GHSR: variants seen among roughly 807,000 people sequenced by gnomAD.
The protein encoded by GHSR is growth hormone secretagogue receptor.
In GHSR, 17 loss-of-function variants were observed where a neutral mutation model predicts 24.0. The observed-to-expected ratio is 0.71, with a 90% CI of 0.49 to 1.06. The LOEUF (loss-of-function observed/expected upper bound fraction) is 1.06. GHSR is among the 50% of genes least tolerant of loss of function. GHSR has a pLI of 0.00. For synonymous variants in GHSR, 238 were observed against 208.1 expected (o/e 1.14, Z -1.24); for missense variants, 504 against 483.1 (o/e 1.04, Z -0.41).
In GHSR at chr3:172,445,318, C is replaced by CAGAA. The variant is rs1033192315; in HGVS notation, c.943_944insTTCT (p.Ser315IlefsTer41). 6.2e-7 allele frequency: 1 copy of CAGAA among 1,614,032 alleles called. No homozygotes were observed. The highest frequency in any genetic ancestry group is 8.5e-7 in the Non-Finnish European group (1 of 1,180,022). On this transcript the variant is annotated frameshift_variant, in exon 2 of 2. Coordinates refer to ENST00000241256, the MANE Select transcript of GHSR (RefSeq NM_198407.2). LOFTEE classifies it high-confidence loss of function. ...GTACAGAATGGGGTTGATGGCAGCA[C>CAGAA]TGAGGTAGAAGAGGACAAAGGACAC...
chr3:172,447,123 C>G (rs1057286117), intron 1 of GHSR, among the ~76,000 whole-genome samples: 1 of 152,186 alleles, frequency 6.6e-6, no homozygotes, highest in South Asian at 2.1e-4. Context: ...AGATCCAAAC[C>G]CTGCTTTTCT....
Position 172,447,585 on chromosome 3 carries a change from C to G in GHSR, c.796+33G>C, listed in dbSNP as rs34273140. 111 of 1,612,160 alleles carry G rather than the reference C, an allele frequency of 6.9e-5. 3 individuals are homozygous for G. In the East Asian group the frequency reaches 2.5e-3, roughly 36 times the overall value. On this transcript the variant is annotated intron_variant, in intron 1 of 1. Transcript: ENST00000241256. The stretch of plus-strand genomic sequence containing the variant: ...AGGCACAGGGAGAGGATAGGACCCG[C>G]GAGAGAAAGCCTGAGCGCGCGCTGA...
Position 172,447,838 on chromosome 3 carries a change from A to AG in GHSR, c.575dup (p.Trp193LeufsTer99). 8.7e-6 allele frequency: 14 copies of AG among 1,613,962 alleles called. No individual in the cohort carries two copies. Among genetic ancestry groups the AG allele is most frequent in the Non-Finnish European group, 1.2e-5 (14 of 1,180,026 alleles). ...TGGGGCGGCACTCGTTGGTGTCCCA[A>AG]GGGTCGGTGCCGTTCTCGTGCTCCA... On this transcript the variant is annotated frameshift_variant, in exon 1 of 2. Coordinates refer to ENST00000241256, the MANE Select transcript of GHSR (RefSeq NM_198407.2). LOFTEE classifies it high-confidence loss of function.
intron 1 of GHSR, 99 bp from the exon 2 acceptor site, chr3:172,445,564 A>G (rs911423168): frequency 1.7e-5 from 21 of 1,215,680 alleles, no homozygotes; most frequent in Middle Eastern, 5.4e-4. Flanking sequence ...GTCTATGACC[A>G]TTGACTTCAG....
chr3:172,445,058 G>T lies in GHSR; in HGVS notation c.*103C>A. 7.8e-7 allele frequency: 1 copy of T among 1,280,320 alleles called. No individual in the cohort carries two copies. Among genetic ancestry groups the T allele is most frequent in the Non-Finnish European group, 1.1e-6 (1 of 883,436 alleles). The allele number at this position is 1,280,320 out of a possible 1,614,324, so 79.3% of individuals were successfully genotyped here. A position where few individuals can be genotyped will look rare whatever the true frequency, so the allele number is the denominator to read the frequency against. ...CTCCCAGATGTTTCTGGATCTATGT[G>T]TTCCTAATTCCAAAATTAACCTTCA... On this transcript the variant is annotated 3_prime_UTR_variant, in exon 2 of 2. Transcript: ENST00000241256.
chr3:172,447,583 C>G lies in GHSR; in HGVS notation c.796+35G>C. On this transcript the variant is annotated intron_variant, in intron 1 of 1. Coordinates refer to ENST00000241256, the MANE Select transcript of GHSR (RefSeq NM_198407.2). Reference sequence around the variant, plus strand: ...GAAGGCACAGGGAGAGGATAGGACCCGCGAGAGAAAGCCTGAGCGCGCGCT... The same window carrying G: ...GAAGGCACAGGGAGAGGATAGGACCGGCGAGAGAAAGCCTGAGCGCGCGCT... 5 of 1,612,040 alleles carry G rather than the reference C, an allele frequency of 3.1e-6. No homozygotes were observed. The South Asian group carries it at 3.3e-5, about 11-fold the overall frequency.
rs1737422334 is a variant in GHSR, at chr3:172,444,967, T to C, written c.*194A>G. The stretch of plus-strand genomic sequence containing the variant: ...ACAGTGAATATGCAGAAATAGTGTA[T>C]GAGAGCACTGATAATTGTGCGATCA... On this transcript the variant is annotated 3_prime_UTR_variant, in exon 2 of 2. Coordinates refer to ENST00000241256, the MANE Select transcript of GHSR (RefSeq NM_198407.2). 6.6e-6 allele frequency among the ~76,000 whole-genome samples: 1 copy of C among 152,312 alleles called. No homozygotes were observed. The highest frequency in any genetic ancestry group is 6.5e-5 in the Admixed American group (1 of 15,294).
intron 1 of GHSR, chr3:172,447,405 A>T (rs1296825792): frequency 7.6e-6 from 8 of 1,055,306 alleles, no homozygotes; most frequent in Non-Finnish European, 1.1e-5. Flanking sequence ...AGAGACAGAG[A>T]CAGAGAGAAA....
rs1737404832 is a variant in GHSR, at chr3:172,444,226, A to G, written c.*935T>C. Among the ~76,000 whole-genome samples the G allele has an allele frequency of 6.6e-6, 1 of 152,196 alleles. No individual in the cohort carries two copies. The highest frequency in any genetic ancestry group is 1.5e-5 in the Non-Finnish European group (1 of 68,012). ...AACAGGACATTTAGGTGTGATTTTT[A>G]GTATTCATCACTCTAAAATTCTGCT... On this transcript the variant is annotated 3_prime_UTR_variant, in exon 2 of 2. Transcript: ENST00000241256.
rs897265075 is a variant in GHSR, at chr3:172,443,716, T to C, written c.*1445A>G. 2.0e-5 allele frequency among the ~76,000 whole-genome samples: 3 copies of C among 152,154 alleles called. No individual in the cohort carries two copies. The highest frequency in any genetic ancestry group is 1.5e-5 in the Non-Finnish European group (1 of 68,008). ...AATTATATACTTATAACCAAATGTA[T>C]AATATTTAGTTGAAGATGTCTATTC... On this transcript the variant is annotated 3_prime_UTR_variant, in exon 2 of 2. Coordinates refer to ENST00000241256, the MANE Select transcript of GHSR (RefSeq NM_198407.2).
Position 172,444,617 on chromosome 3 carries a change from A to G in GHSR, c.*544T>C, listed in dbSNP as rs1737414842. Among the ~76,000 whole-genome samples the G allele has an allele frequency of 6.6e-6, 1 of 152,184 alleles. No individual in the cohort carries two copies. Among genetic ancestry groups the G allele is most frequent in the Non-Finnish European group, 1.5e-5 (1 of 68,022 alleles). ...TTTCTGTAAGTGTAAAAAGCATGCC[A>G]GATTTCAAAGACTTAGTGTGAAAAA... On this transcript the variant is annotated 3_prime_UTR_variant, in exon 2 of 2. Coordinates refer to ENST00000241256, the MANE Select transcript of GHSR (RefSeq NM_198407.2).
chr3:172,448,217 A>G lies in GHSR; in HGVS notation c.197T>C (p.Leu66Pro). Reference protein sequence around the residue: ...VGIAGNLLTMLVVSRFRELRT... With the variant: ...VGIAGNLLTMPVVSRFRELRT... Reference sequence around the variant, plus strand: ...CAGCTCGCGGAAGCGCGACACCACCAGCATGGTGAGCAGGTTGCCAGCGAT... The same window carrying G: ...CAGCTCGCGGAAGCGCGACACCACCGGCATGGTGAGCAGGTTGCCAGCGAT... The change falls in exon 1 of 2, where the codon CTG (leucine) becomes CCG (proline). Residue 66 changes from leucine to proline, a missense_variant. Leu to Pro is a moderately conservative substitution (Grantham distance 98, BLOSUM62 -3). Transcript: ENST00000241256. The surrounding 1 kb of genome is among the most constrained non-coding windows in gnomAD (Gnocchi z 4.8). 1.9e-6 allele frequency: 3 copies of G among 1,614,130 alleles called. No individual in the cohort carries two copies. Among genetic ancestry groups the G allele is most frequent in the Non-Finnish European group, 2.5e-6 (3 of 1,180,026 alleles).
Position 172,445,232 on chromosome 3 carries a change from A to T in GHSR, c.1030T>A (p.Ser344Thr). Residue 344 changes from serine (S) to threonine (T), a missense_variant, in exon 2 of 2, where the codon TCC becomes ACC. Transcript: ENST00000241256. ...VFRLLGFEPF[S>T]QRKLSTLKDE... ...TTCAGAGTGGAGAGCTTTCTCTGGG[A>T]GAAGGGTTCGAATCCCAGAAGTCTG... 1 of 1,614,026 alleles carries T rather than the reference A, an allele frequency of 6.2e-7. No homozygotes were observed. Among genetic ancestry groups the T allele is most frequent in the Non-Finnish European group, 8.5e-7 (1 of 1,179,994 alleles).
rs1290371177 is a variant in GHSR at position 172,443,409 on chromosome 3, G to C, written c.*1752C>G. 6.6e-6 allele frequency among the ~76,000 whole-genome samples: 1 copy of C among 152,026 alleles called. No individual in the cohort carries two copies. The highest frequency in any genetic ancestry group is 2.1e-4 in the South Asian group (1 of 4,832). ...AACGAATCTCAGAAATATTTTTCTA[G>C]AGAAATGATTCTAATTATGATTGTG... is the stretch of plus-strand genomic sequence containing the variant. On this transcript the variant is annotated 3_prime_UTR_variant, in exon 2 of 2. Transcript: ENST00000241256.
chr3:172,447,533 G>T, intron 1 of GHSR, 85 bp downstream of exon 1: 1 of 1,572,624 alleles, frequency 6.4e-7, no homozygotes, highest in Non-Finnish European at 8.6e-7. Context: ...GGGGGAAATA[G>T]AGATGGAGAC....
chr3:172,448,025 G>T lies in GHSR; in HGVS notation c.389C>A (p.Thr130Lys). Reference sequence around the variant, plus strand: ...GCTCAGCGCTGTGATGGTGAGCACCGTGGCGTAGGTGCAGCTCTCACTGAC... The same window carrying T: ...GCTCAGCGCTGTGATGGTGAGCACCTTGGCGTAGGTGCAGCTCTCACTGAC... ...QFVSESCTYA[T>K]VLTITALSVE... The change falls in exon 1 of 2, where the codon ACG becomes AAG. Residue 130 changes from threonine (T) to lysine (K), a missense_variant. Coordinates refer to ENST00000241256, the MANE Select transcript of GHSR (RefSeq NM_198407.2). The surrounding 1 kb of genome is among the most constrained non-coding windows in gnomAD (Gnocchi z 4.8). The T allele has an allele frequency of 6.2e-7, 1 of 1,614,178 alleles. No homozygotes were observed.
rs891595768 is a variant in GHSR at position 172,444,703 on chromosome 3, A to T, written c.*458T>A. On this transcript the variant is annotated 3_prime_UTR_variant, in exon 2 of 2. Transcript: ENST00000241256. The stretch of plus-strand genomic sequence containing the variant: ...TGATTGCTCACGTGCCTCATGTTAT[A>T]TTTCTCTTGGATAGCACTGCTCTAG... Among the ~76,000 whole-genome samples the T allele has an allele frequency of 6.6e-6, 1 of 152,156 alleles. No homozygotes were observed. The highest frequency in any genetic ancestry group is 6.5e-5 in the Admixed American group (1 of 15,278).
rs1302375107 is a variant in GHSR at position 172,444,885 on chromosome 3, C to T, written c.*276G>A. ...CCTAATTGCTCACTCTGCTCTTCCT[C>T]CTTTCTCTGAATTGCAAAGCCCTCA... On this transcript the variant is annotated 3_prime_UTR_variant, in exon 2 of 2. Coordinates refer to ENST00000241256, the MANE Select transcript of GHSR (RefSeq NM_198407.2). Among the ~76,000 whole-genome samples, 12 of 152,168 alleles carry T rather than the reference C, an allele frequency of 7.9e-5. No individual in the cohort carries two copies. Among genetic ancestry groups the T allele is most frequent in the Admixed American group, 7.8e-4 (12 of 15,288 alleles).
Position 172,445,326 on chromosome 3 carries a change from G to A in GHSR, c.936C>T (p.Phe312=). 1.9e-6 allele frequency: 3 copies of A among 1,614,178 alleles called. No individual in the cohort carries two copies. The South Asian group carries it at 3.3e-5, about 18-fold the overall frequency. ...TGGGGTTGATGGCAGCACTGAGGTAGAAGAGGACAAAGGACACGAGGTTGC... is the reference window on the plus strand; with the variant it reads ...TGGGGTTGATGGCAGCACTGAGGTAAAAGAGGACAAAGGACACGAGGTTGC... The part of the protein sequence containing the change: ...QYCNLVSFVL[F]YLSAAINPIL... Residue 312 remains phenylalanine, a synonymous_variant, in exon 2 of 2, where the codon TTC becomes TTT. Transcript: ENST00000241256.
Sources: allele counts gnomAD v4.1 joint callset (sites outside exome capture counted in the v4.1 genomes callset), GRCh38; gene constraint gnomAD v4.1.1; non-coding constraint Gnocchi (gnomAD v3.1); transcripts MANE v1.5; gene names NCBI Gene and HGNC (gene_info 2026-07-23, HGNC 2026-07-21).